The following NR1I3 variants were observed in gnomAD, a reference collection of about 807,000 sequenced individuals.
NR1I3 encodes the protein nuclear receptor subfamily 1 group I member 3.
Under a neutral mutation model 38.4 loss-of-function variants are expected in NR1I3, and 30 were observed. The observed-to-expected ratio is 0.78, with a 90% CI of 0.58 to 1.06. The LOEUF (loss-of-function observed/expected upper bound fraction) is 1.06. Among genes scored for constraint, NR1I3 ranks in the 50% least tolerant of loss-of-function variants. The pLI, the probability that NR1I3 is intolerant of heterozygous loss-of-function variation, is 0.00. For synonymous variants in NR1I3, 143 were observed against 165.1 expected, an observed-to-expected ratio of 0.87 and a Z score of 1.03; for missense variants, 388 against 435.7, an observed-to-expected ratio of 0.89 and a Z score of 0.97.
At chr1:161,231,511 T>C (rs1667266051) in intron 5 of NR1I3, 37 bp from the exon 6 acceptor site, 7 of 1,573,324 alleles carry the variant, frequency 4.4e-6, no homozygotes, top group East Asian at 2.2e-5. Flanking sequence ...TTTTCAATTT[T>C]TTTTTTTCTG....
Position 161,235,760 on chromosome 1 carries a change from G to A in NR1I3, c.238+87C>T, listed in dbSNP as rs549505634. On this transcript the variant is annotated intron_variant, in intron 3 of 8. Transcript: ENST00000367983. ...CAACTAGTTTCAAAAAGAGTACTGT[G>A]CCTGCTATGTAGAGAATGCACTGTT... 27 of 1,549,160 alleles carry A rather than the reference G, an allele frequency of 1.7e-5. No homozygotes were observed. The African/African-American group carries it at 3.4e-4, about 20-fold the overall frequency.
At chr1:161,230,224 C>T (rs1004444571) in intron 8 of NR1I3, 17 of 411,306 alleles carry the variant, frequency 4.1e-5, no homozygotes, top group African/African-American at 3.5e-4. Flanking sequence ...AATCTGAGGG[C>T]CTGGCCTTCT....
Position 161,231,216 on chromosome 1 carries a change from A to G in NR1I3, c.712T>C (p.Phe238Leu), listed in dbSNP as rs146624074. 6.8e-6 allele frequency: 11 copies of G among 1,613,830 alleles called. 1 individual carries two copies. The African/African-American group carries it at 8.0e-5, about 12-fold the overall frequency. Residue 238 changes from phenylalanine to leucine, a missense_variant, in exon 7 of 9, where the codon TTT (phenylalanine) becomes CTT (leucine). Physicochemically the swap from Phe to Leu is conservative, Grantham distance 22. Transcript: ENST00000367983. ...DGARVGFQVEFLELLFHFHGT... is the reference protein window; with the variant it reads ...DGARVGFQVELLELLFHFHGT... The stretch of plus-strand genomic sequence containing the variant: ...TGGAAGTGAAAGAGCAACTCCAAAA[A>G]CTCTACCTGGAACCCCACTGTGGGA...
intron 2 of NR1I3, 82 bp downstream of exon 2, chr1:161,236,377 T>C: frequency 6.5e-7 from 1 of 1,543,706 alleles, no homozygotes; most frequent in Non-Finnish European, 8.8e-7. Context: ...CTGGACAGGC[T>C]TGGGCACCAG....
In NR1I3 at chr1:161,235,897, C is replaced by A. The variant is rs747474209; in HGVS notation, c.188G>T (p.Cys63Phe). The part of the protein sequence containing the change: ...CEVSKTQRRH[C>F]PACRLQKCLD... ...GCACTTCTGCAACCTGCAGGCTGGG[C>A]AGTGGCGCCTCTGAGTCTTGCTGAC... The change falls in exon 3 of 9, where the codon TGC (cysteine) becomes TTC (phenylalanine). Residue 63 changes from cysteine (C) to phenylalanine (F), a missense_variant. Physicochemically the swap from Cys to Phe is radical, Grantham distance 205. Transcript: ENST00000367983. The A allele has an allele frequency of 6.2e-6, 10 of 1,613,938 alleles. No homozygotes were observed. The African/African-American group carries it at 8.0e-5, about 13-fold the overall frequency.
chr1:161,234,661 C>G (rs993148331), intron 3 of NR1I3, among the ~76,000 whole-genome samples: 12 of 152,182 alleles, frequency 7.9e-5, no homozygotes, highest in African/African-American at 2.7e-4. Flanking sequence ...TTGTCTCAGC[C>G]TTCCAAAGTG....
At position 161,238,173 on chromosome 1, in the gene NR1I3, AC is replaced by A. The variant is rs1668956470; in HGVS notation, c.-167del. ...CCAGTGATTGGAGTTAGGGATTATG[AC>A]CCGTAGTATCTGGAAAACAAGAGAT... is the stretch of plus-strand genomic sequence containing the variant. On this transcript the variant is annotated 5_prime_UTR_variant, in exon 1 of 9. Coordinates refer to ENST00000367983, the MANE Select transcript of NR1I3 (RefSeq NM_005122.5). The A allele has an allele frequency of 1.3e-6, 2 of 1,570,728 alleles. No homozygotes were observed. Among genetic ancestry groups the A allele is most frequent in the South Asian group, 2.3e-5 (2 of 87,942 alleles).
intron 3 of NR1I3, among the ~76,000 whole-genome samples, chr1:161,235,088 C>T (rs996164095): frequency 5.3e-5 from 8 of 151,164 alleles, no homozygotes; most frequent in Non-Finnish European, 1.0e-4. Flanking sequence ...TTGCAGTGAG[C>T]CGAGATGGCG....
chr1:161,230,483 T>G (rs1311266179), intron 8 of NR1I3: 4 of 499,964 alleles, frequency 8.0e-6, no homozygotes, highest in Non-Finnish European at 1.1e-5. Context: ...GAGAAAAGTC[T>G]GCGTTAGTCT....
chr1:161,233,868 T>TGC (rs1667944905), intron 3 of NR1I3, among the ~76,000 whole-genome samples: 1 of 145,384 alleles, frequency 6.9e-6, no homozygotes, highest in African/African-American at 2.7e-5. Context: ...TGTGTGTGTG[T>TGC]GTGTGTGTGT....
chr1:161,229,800 G>C lies in NR1I3; in HGVS notation c.1044C>G (p.Ser348Arg). 1 of 1,614,252 alleles carries C rather than the reference G, an allele frequency of 6.2e-7. No individual in the cohort carries two copies. Among genetic ancestry groups the C allele is most frequent in the Non-Finnish European group, 8.5e-7 (1 of 1,180,050 alleles). ...AMMPLLQEIC[S>R] ...GGGGAAGGAAGTGAGCATGGCCTCA[G>C]CTGCAGATCTCCTGGAGCAGCGGCA... The change falls in exon 9 of 9, where the codon AGC becomes AGG. Residue 348 changes from serine to arginine, a missense_variant. Coordinates refer to ENST00000367983, the MANE Select transcript of NR1I3 (RefSeq NM_005122.5).
intron 2 of NR1I3, chr1:161,236,208 TG>T: frequency 1.6e-6 from 1 of 641,074 alleles, no homozygotes; most frequent in Non-Finnish European, 2.7e-6. Context: ...TCACAGGCAG[TG>T]GGTACATAAT....
intron 2 of NR1I3, 106 bp from the exon 3 acceptor site, chr1:161,236,083 T>C: frequency 7.4e-7 from 1 of 1,352,498 alleles, no homozygotes; most frequent in Non-Finnish European, 1.0e-6. Flanking sequence ...TGGACTAATC[T>C]GAGCTGTGCC....
At chr1:161,232,749 G>A in intron 5 of NR1I3, 58 bp downstream of exon 5, 1 of 1,551,740 alleles carries the variant, frequency 6.4e-7, no homozygotes, top group Admixed American at 1.7e-5. Flanking sequence ...ACTTTTCGGG[G>A]TGGATATACA....
At chr1:161,236,238 G>A in intron 2 of NR1I3, 1 of 654,032 alleles carries the variant, frequency 1.5e-6, no homozygotes, top group Non-Finnish European at 2.6e-6. Context: ...TTGACTAATG[G>A]GCTGTGTCCA....
chr1:161,234,835 A>C (rs922554983), intron 3 of NR1I3, among the ~76,000 whole-genome samples: 4 of 152,212 alleles, frequency 2.6e-5, no homozygotes, highest in African/African-American at 4.8e-5. Context: ...AGCACCTACT[A>C]GGTGACAGGC....
In NR1I3 at chr1:161,230,881, C is replaced by G. The variant is rs772550648; in HGVS notation, c.849G>C (p.Gln283His). 24 of 1,614,070 alleles carry G rather than the reference C, an allele frequency of 1.5e-5. No homozygotes were observed. The Admixed American group carries it at 4.0e-4, about 27-fold the overall frequency. Reference sequence around the variant, plus strand: ...GAGTCAGTGCCATCTCCTCTTGCAGCTGATCAATCTCATCTCTCTGGGTAA... The same window carrying G: ...GAGTCAGTGCCATCTCCTCTTGCAGGTGATCAATCTCATCTCTCTGGGTAA... ...PGVTQRDEID[Q>H]LQEEMALTLQ... The change falls in exon 8 of 9, where the codon CAG becomes CAC. Residue 283 changes from glutamine (Q) to histidine (H), a missense_variant. Gln to His is a conservative substitution (Grantham distance 24). Coordinates refer to ENST00000367983, the MANE Select transcript of NR1I3 (RefSeq NM_005122.5).
intron 5 of NR1I3, among the ~76,000 whole-genome samples, chr1:161,232,406 TCC>T (rs1385307721): frequency 6.6e-6 from 1 of 152,170 alleles, no homozygotes; most frequent in Non-Finnish European, 1.5e-5. Flanking sequence ...CAAGTGATCC[TCC>T]CACTTCAGCT....
At position 161,236,614 on chromosome 1, in the gene NR1I3, G is replaced by T. The variant is rs1286405908; in HGVS notation, c.-33-16C>A. ...TCACAGACTCCTGAATGTAGGAGGG[G>T]TCAGCAGTCAGTTTTGGGCCACCCT... On this transcript the variant is annotated splice_polypyrimidine_tract_variant and intron_variant, in intron 1 of 8. Transcript: ENST00000367983. The T allele has an allele frequency of 3.1e-6, 5 of 1,610,096 alleles. No individual in the cohort carries two copies. In the East Asian group the frequency reaches 1.1e-4, roughly 36 times the overall value.
Sources: allele counts gnomAD v4.1 joint callset (sites outside exome capture counted in the v4.1 genomes callset), GRCh38; gene constraint gnomAD v4.1.1; transcripts MANE v1.5; gene names NCBI Gene and HGNC (gene_info 2026-07-23, HGNC 2026-07-21).